Variants in CIRSR observed in about 807,000 individuals in gnomAD.
CIRSR encodes the protein corepressor of RBPJ and splicing regulator.
chr2:174,395,647 A>G, the CIRSR span: 1 of 1,614,240 alleles, frequency 6.2e-7, no homozygotes. Flanking sequence ...TAGGGAAAGC[A>G]GGGGCTAGAT....
At chr2:174,375,766 T>G in the CIRSR span, among the ~76,000 whole-genome samples, 120 of 152,268 alleles carry the variant, frequency 7.9e-4, 1 homozygote, top group Non-Finnish European at 2.2e-4. Flanking sequence ...TATTTTCATA[T>G]GTTTAATGGT....
chr2:174,356,647 AGACT>A, the CIRSR span, among the ~76,000 whole-genome samples: 20 of 152,086 alleles, frequency 1.3e-4, no homozygotes, highest in African/African-American at 2.4e-4. Context: ...GAAAGAGGAC[AGACT>A]GACTGACTGG....
the CIRSR span, among the ~76,000 whole-genome samples, chr2:174,355,237 C>T: frequency 6.6e-6 from 1 of 152,214 alleles, no homozygotes; most frequent in South Asian, 2.1e-4. Flanking sequence ...ATAGATTACA[C>T]AAATATGTTC....
chr2:174,394,766 C>T, the CIRSR span, among the ~76,000 whole-genome samples: 1 of 152,198 alleles, frequency 6.6e-6, no homozygotes, highest in African/African-American at 2.4e-5. Context: ...GTTATTTTCA[C>T]AAGTTTCTAT....
chr2:174,348,412 C>T, the CIRSR span: 33 of 1,512,630 alleles, frequency 2.2e-5, no homozygotes, highest in South Asian at 5.5e-5. Context: ...TAATTTACCC[C>T]TTGCTAAAGG....
At chr2:174,369,721 G>C in the CIRSR span, among the ~76,000 whole-genome samples, 2 of 152,204 alleles carry the variant, frequency 1.3e-5, no homozygotes, top group Non-Finnish European at 2.9e-5. Flanking sequence ...GAAAGGGAGA[G>C]AGATAAGGGA....
the CIRSR span, chr2:174,380,323 A>C: frequency 1.8e-6 from 2 of 1,096,032 alleles, no homozygotes; most frequent in Non-Finnish European, 1.3e-6. Context: ...TTAATCAGAA[A>C]AATAGTTTTA....
chr2:174,380,180 G>A, the CIRSR span: 7 of 1,529,446 alleles, frequency 4.6e-6, no homozygotes, highest in South Asian at 3.6e-5. Context: ...TATTCTTACA[G>A]AGTAAAATAT....
At chr2:174,357,532 T>C in the CIRSR span, among the ~76,000 whole-genome samples, 1 of 152,198 alleles carries the variant, frequency 6.6e-6, no homozygotes, top group Non-Finnish European at 1.5e-5. Context: ...AACCCCAACA[T>C]TATCACAAAT....
chr2:174,367,735 T>C, the CIRSR span, among the ~76,000 whole-genome samples: 1 of 117,762 alleles, frequency 8.5e-6, no homozygotes, highest in African/African-American at 3.6e-5. Context: ...GAGAGAGAGA[T>C]GCTGTCTCTT....
chr2:174,348,947 C>T, the CIRSR span: 1 of 1,606,006 alleles, frequency 6.2e-7, no homozygotes. Flanking sequence ...TGTTGTTATG[C>T]CCTGAACACT....
the CIRSR span, among the ~76,000 whole-genome samples, chr2:174,369,109 T>C: frequency 3.9e-5 from 6 of 152,268 alleles, no homozygotes; most frequent in African/African-American, 1.4e-4. Context: ...CTGTTTCATC[T>C]ACATTGAAAC....
chr2:174,351,045 C>T, the CIRSR span, among the ~76,000 whole-genome samples: 1 of 152,118 alleles, frequency 6.6e-6, no homozygotes, highest in African/African-American at 2.4e-5. Flanking sequence ...TTCTCTATCT[C>T]TTGAATGTTA....
the CIRSR span, among the ~76,000 whole-genome samples, chr2:174,383,536 A>G: frequency 7.2e-4 from 110 of 151,978 alleles, 1 homozygote; most frequent in African/African-American, 2.6e-3. Flanking sequence ...CTTGGCCAAC[A>G]TGGTGAAACT....
At chr2:174,376,372 T>A in the CIRSR span, among the ~76,000 whole-genome samples, 9 of 152,188 alleles carry the variant, frequency 5.9e-5, no homozygotes, top group African/African-American at 2.2e-4. Context: ...TTCTACTTCA[T>A]TCACTTGATC....
the CIRSR span, among the ~76,000 whole-genome samples, chr2:174,356,778 G>C: frequency 6.6e-6 from 1 of 152,122 alleles, no homozygotes; most frequent in East Asian, 1.9e-4. Context: ...CTATTACAGT[G>C]ATGATCTATT....
chr2:174,358,566 T>C, the CIRSR span: 1 of 152,752 alleles, frequency 6.5e-6, no homozygotes, highest in East Asian at 1.9e-4. Flanking sequence ...ATATGACTTA[T>C]ATGTAATTAC....
chr2:174,372,919 C>G, the CIRSR span, among the ~76,000 whole-genome samples: 5 of 152,110 alleles, frequency 3.3e-5, no homozygotes, highest in Non-Finnish European at 5.9e-5. Context: ...TCCTTTGTGA[C>G]TGAATGTTTG....
chr2:174,348,899 C>G, the CIRSR span: 6 of 1,614,182 alleles, frequency 3.7e-6, no homozygotes, highest in Admixed American at 1.7e-5. Context: ...CTTCATGAAG[C>G]TTTCTCTTCT....
Sources: allele counts gnomAD v4.1 joint callset (sites outside exome capture counted in the v4.1 genomes callset), GRCh38; gene constraint gnomAD v4.1.1; transcripts MANE v1.5; gene names NCBI Gene and HGNC (gene_info 2026-07-23, HGNC 2026-07-21).